PDS5B: variants seen among roughly 807,000 people sequenced by gnomAD.
PDS5B encodes sister chromatid cohesion protein PDS5 homolog B.
Under a neutral mutation model 184.1 loss-of-function variants are expected in PDS5B, and 51 were observed. The ratio of observed to expected loss-of-function variants is 0.28; its 90% confidence interval spans 0.22 to 0.35. The LOEUF (loss-of-function observed/expected upper bound fraction) is 0.35. Among genes scored for constraint, PDS5B ranks in the 10% least tolerant of loss-of-function variants. PDS5B has a pLI of 1.00. For synonymous variants in PDS5B, 566 were observed against 569.2 expected (o/e 0.99, Z 0.08); for missense variants, 1,180 against 1,723.3 (o/e 0.68, Z 5.58).
chr13:32,715,454 A>G (rs1228603617), intron 19 of PDS5B, among the ~76,000 whole-genome samples: 2 of 152,112 alleles, frequency 1.3e-5, no homozygotes, highest in Non-Finnish European at 2.9e-5. Context: ...GTCTTTGCCT[A>G]TCATTTTAGT....
intron 21 of PDS5B, among the ~76,000 whole-genome samples, chr13:32,740,041 G>A (rs1255503850): frequency 6.6e-6 from 1 of 151,826 alleles, no homozygotes; most frequent in African/African-American, 2.4e-5. Context: ...GTTTTTTCTT[G>A]TGAATTAAAT....
intron 24 of PDS5B, 96 bp from the exon 25 acceptor site, chr13:32,753,236 C>A: frequency 1.1e-6 from 1 of 883,764 alleles, no homozygotes; most frequent in South Asian, 1.6e-5. Flanking sequence ...AAACTTGCTA[C>A]TGTTTACTCT....
Position 32,777,893 on chromosome 13 carries a change from A to G in PDS5B, c.*2841A>G, listed in dbSNP as rs1235694504. 6.6e-6 allele frequency: 1 copy of G among 152,474 alleles called. No homozygotes were observed. The highest frequency in any genetic ancestry group is 1.9e-4 in the East Asian group (1 of 5,200). The allele number at this position is 152,474 out of a possible 1,614,324, so 9.4% of individuals were successfully genotyped here. On this transcript the variant is annotated 3_prime_UTR_variant, in exon 35 of 35. Transcript: ENST00000315596. The stretch of plus-strand genomic sequence containing the variant: ...ATGTCAGGAATTTAAGAATTTGTTT[A>G]AATTAGGCATATCTCTGCCATCACA...
At chr13:32,707,400 AATTC>A (rs1265564676) in intron 18 of PDS5B, among the ~76,000 whole-genome samples, 2 of 152,078 alleles carry the variant, frequency 1.3e-5, no homozygotes, top group African/African-American at 2.4e-5. Context: ...TAAAAATATT[AATTC>A]ATTATTGACA....
At chr13:32,735,394 G>T in intron 21 of PDS5B, 64 bp downstream of exon 21, 1 of 1,132,222 alleles carries the variant, frequency 8.8e-7, no homozygotes, top group Non-Finnish European at 1.3e-6. Context: ...TATCCAACAA[G>T]GAAAGAAGTG....
intron 1 of PDS5B, among the ~76,000 whole-genome samples, chr13:32,645,849 A>G (rs1950205662): frequency 6.6e-6 from 1 of 152,034 alleles, no homozygotes; most frequent in African/African-American, 2.4e-5. Context: ...TTCCGTTAAC[A>G]TTTGTCTCCC....
At chr13:32,716,737 T>C (rs1952442638) in intron 19 of PDS5B, among the ~76,000 whole-genome samples, 1 of 104,930 alleles carries the variant, frequency 9.5e-6, no homozygotes, top group African/African-American at 3.7e-5. Flanking sequence ...CAGCCGCCCC[T>C]ACTGGGAAGT....
rs117533718 is a variant in PDS5B, at chr13:32,775,810, G to A, written c.*758G>A. 2.5e-4 allele frequency: 87 copies of A among 351,638 alleles called. No homozygotes were observed. The highest frequency in any genetic ancestry group is 4.0e-4 in the Non-Finnish European group (71 of 179,514). 21.8% of individuals were successfully genotyped at this position (351,638 alleles called of 1,614,324 possible). ...TTAAAGTATTTTAATTTTAAAGAGT[G>A]TGTTATAAAATAATGTACTGAATTC... is the stretch of plus-strand genomic sequence containing the variant. On this transcript the variant is annotated 3_prime_UTR_variant, in exon 35 of 35. Transcript: ENST00000315596.
At chr13:32,739,223 A>G (rs1321917014) in intron 21 of PDS5B, among the ~76,000 whole-genome samples, 1 of 151,616 alleles carries the variant, frequency 6.6e-6, no homozygotes, top group Admixed American at 6.6e-5. Context: ...TGTTAGGGTT[A>G]CCAAATTTCC....
At chr13:32,618,106 G>A (rs1039775656) in intron 1 of PDS5B, among the ~76,000 whole-genome samples, 1 of 152,144 alleles carries the variant, frequency 6.6e-6, no homozygotes, top group African/African-American at 2.4e-5. Context: ...TTTTTTAAGG[G>A]CCTAATCCTG....
chr13:32,750,460 T>TG (rs1953932142), intron 24 of PDS5B, among the ~76,000 whole-genome samples: 1 of 152,190 alleles, frequency 6.6e-6, no homozygotes, highest in Non-Finnish European at 1.5e-5. Flanking sequence ...GAGTTAATGT[T>TG]AACTTTGTTT....
At chr13:32,722,300 G>A (rs934861451) in intron 19 of PDS5B, among the ~76,000 whole-genome samples, 1 of 152,264 alleles carries the variant, frequency 6.6e-6, no homozygotes, top group Non-Finnish European at 1.5e-5. Flanking sequence ...AGCCGAGATC[G>A]CGGCAGTACA....
At chr13:32,774,063 A>G (rs1954879972) in intron 34 of PDS5B, among the ~76,000 whole-genome samples, 1 of 152,156 alleles carries the variant, frequency 6.6e-6, no homozygotes, top group African/African-American at 2.4e-5. Context: ...TTTGGCCTCC[A>G]AAGTGGTGGG....
intron 1 of PDS5B, among the ~76,000 whole-genome samples, chr13:32,630,161 A>G (rs1430549845): frequency 6.6e-6 from 1 of 152,196 alleles, no homozygotes; most frequent in Non-Finnish European, 1.5e-5. Flanking sequence ...GCTCTGCTCC[A>G]TCTCCCCAGA....
chr13:32,613,601 A>G (rs954458651), intron 1 of PDS5B, among the ~76,000 whole-genome samples: 3 of 152,080 alleles, frequency 2.0e-5, no homozygotes, highest in African/African-American at 7.2e-5. Flanking sequence ...TTTACTATTC[A>G]GTTGTAATAA....
chr13:32,622,704 T>C (rs576629568), intron 1 of PDS5B, among the ~76,000 whole-genome samples: 1 of 152,356 alleles, frequency 6.6e-6, no homozygotes, highest in East Asian at 1.9e-4. Flanking sequence ...TCATATTGTT[T>C]AATAGCTGAT....
chr13:32,678,515 C>T (rs879345352), intron 9 of PDS5B, among the ~76,000 whole-genome samples: 7 of 152,132 alleles, frequency 4.6e-5, no homozygotes, highest in Non-Finnish European at 8.8e-5. Flanking sequence ...TGCACACTTG[C>T]ATAAATAGAT....
chr13:32,632,559 A>G (rs2058475270), intron 1 of PDS5B, among the ~76,000 whole-genome samples: 1 of 152,244 alleles, frequency 6.6e-6, no homozygotes, highest in African/African-American at 2.4e-5. Context: ...TTGCTGATGT[A>G]GCTAGCTGCT....
At chr13:32,735,097 T>A (rs1186922070) in intron 20 of PDS5B, 75 bp from the exon 21 acceptor site, 10 of 891,174 alleles carry the variant, frequency 1.1e-5, no homozygotes, top group Non-Finnish European at 1.6e-5. Flanking sequence ...ATTTTGTAAT[T>A]TGAAAATGAA....
Sources: gnomAD v4.1 joint callset for allele counts (sites outside exome capture counted in the v4.1 genomes callset) on GRCh38, gnomAD v4.1.1 for gene constraint, MANE v1.5 for transcripts, NCBI Gene and HGNC (gene_info 2026-07-23, HGNC 2026-07-21) for gene names.